Variants in SPIRE1 observed in about 807,000 individuals in gnomAD.
SPIRE1 encodes protein spire homolog 1.
In SPIRE1, 40 loss-of-function variants were observed where a neutral mutation model predicts 94.1. That is an observed-to-expected ratio of 0.43 (90% CI 0.33 to 0.55). The LOEUF (loss-of-function observed/expected upper bound fraction) is 0.55, where lower values mean the gene tolerates loss of function less well. SPIRE1 is among the 20% of genes least tolerant of loss of function. The pLI, the probability that SPIRE1 is intolerant of heterozygous loss-of-function variation, is 0.06. For synonymous variants in SPIRE1, 376 were observed against 371.7 expected (o/e 1.01, Z -0.13); for missense variants, 838 against 975.2 (o/e 0.86, Z 1.87).
intron 10 of SPIRE1, among the ~76,000 whole-genome samples, chr18:12,469,275 T>C (rs1240476617): frequency 1.3e-5 from 2 of 151,994 alleles, no homozygotes; most frequent in Non-Finnish European, 2.9e-5. Context: ...TGATCTCAGA[T>C]CACTGCAATT....
At chr18:12,627,953 G>T (rs993297565) in intron 2 of SPIRE1, among the ~76,000 whole-genome samples, 2 of 152,014 alleles carry the variant, frequency 1.3e-5, no homozygotes, top group Non-Finnish European at 2.9e-5. Flanking sequence ...CTGGATATTA[G>T]CCCTTTGTCA....
intron 5 of SPIRE1, among the ~76,000 whole-genome samples, chr18:12,508,302 A>T: frequency 6.6e-6 from 1 of 152,218 alleles, no homozygotes; most frequent in East Asian, 1.9e-4. Flanking sequence ...TTTTAAAAAA[A>T]TGTTGGGTTT....
intron 12 of SPIRE1, among the ~76,000 whole-genome samples, chr18:12,456,244 G>A (rs759541286): frequency 2.0e-5 from 3 of 152,158 alleles, no homozygotes; most frequent in Admixed American, 6.5e-5. Flanking sequence ...TTAAATCAGC[G>A]TGCCTGATAC....
intron 2 of SPIRE1, among the ~76,000 whole-genome samples, chr18:12,617,504 G>A (rs1022874579): frequency 6.6e-6 from 1 of 151,262 alleles, no homozygotes; most frequent in Non-Finnish European, 1.5e-5. Context: ...CTCTGCCCCC[G>A]GGTTCAAGTG....
At chr18:12,661,942 G>A (rs2038700473), upstream of SPIRE1, 1 of 243,892 alleles carries the variant, frequency 4.1e-6, no homozygotes. Flanking sequence ...TGAAGTCCAT[G>A]TTACTCTGAA....
chr18:12,535,556 A>G lies in SPIRE1; in HGVS notation c.649T>C (p.Tyr217His), dbSNP rs775844543. Residue 217 changes from tyrosine (Y) to histidine (H), a missense_variant, in exon 4 of 17, where the codon TAT (tyrosine) becomes CAT (histidine). By Grantham distance (83) the Tyr-to-His change is moderately conservative. This residue lies in a region of SPIRE1 where 645 missense variants were observed against 804.7 expected (regional missense o/e 0.80). Coordinates refer to ENST00000409402, the MANE Select transcript of SPIRE1 (RefSeq NM_001128626.2). ...AACAGTGCACGACATACTGCCTGAT[A>G]ATGATTTGGTGCATCTGATTCAGTA... The part of the protein sequence containing the change: ...LPTESDAPNH[Y>H]QAVCRALFAE... The G allele has an allele frequency of 6.2e-7, 1 of 1,613,320 alleles. No individual in the cohort carries two copies. The highest frequency in any genetic ancestry group is 1.3e-5 in the African/African-American group (1 of 75,034).
At chr18:12,623,369 G>A (rs971613665) in intron 2 of SPIRE1, among the ~76,000 whole-genome samples, 1 of 151,998 alleles carries the variant, frequency 6.6e-6, no homozygotes, top group Non-Finnish European at 1.5e-5. Context: ...TAGCCAGGAT[G>A]GTCTCAATCT....
At chr18:12,509,015 T>C (rs896139027) in intron 5 of SPIRE1, among the ~76,000 whole-genome samples, 1 of 152,178 alleles carries the variant, frequency 6.6e-6, no homozygotes, top group African/African-American at 2.4e-5. Flanking sequence ...CATGATTGTT[T>C]GGTTAAAAAA....
At chr18:12,545,835 T>C (rs2035146397) in intron 3 of SPIRE1, among the ~76,000 whole-genome samples, 1 of 152,196 alleles carries the variant, frequency 6.6e-6, no homozygotes, top group South Asian at 2.1e-4. Context: ...CAACTGAAGA[T>C]ATAATGCCCA....
chr18:12,531,638 A>G (rs1282390670), intron 4 of SPIRE1, among the ~76,000 whole-genome samples: 4 of 152,200 alleles, frequency 2.6e-5, no homozygotes, highest in African/African-American at 9.7e-5. Flanking sequence ...GATTGTTACA[A>G]GGATCAAATG....
At chr18:12,654,331 C>A (rs1354550456) in intron 1 of SPIRE1, among the ~76,000 whole-genome samples, 1 of 96,166 alleles carries the variant, frequency 1.0e-5, no homozygotes, top group African/African-American at 4.1e-5. Context: ...AGTGAGACTC[C>A]ACCTCAAAAA....
rs201597612 is a variant in SPIRE1 at position 12,495,225 on chromosome 18, C to T, written c.1059+791G>A. Among the ~76,000 whole-genome samples, 11 of 152,046 alleles carry T rather than the reference C, an allele frequency of 7.2e-5. No homozygotes were observed. The East Asian group carries it at 1.2e-3, about 16-fold the overall frequency. Reference sequence around the variant, plus strand: ...CTTTGGTGAGCACTGGCTATTGAGCCGGGTAAAAAAGAAATAAGGAACAGA... The same window carrying T: ...CTTTGGTGAGCACTGGCTATTGAGCTGGGTAAAAAAGAAATAAGGAACAGA... On this transcript the variant is annotated intron_variant, in intron 7 of 16. Transcript: ENST00000409402.
intron 1 of SPIRE1, among the ~76,000 whole-genome samples, chr18:12,642,701 G>A (rs113150872): frequency 5.3e-5 from 8 of 152,236 alleles, no homozygotes; most frequent in African/African-American, 1.9e-4. Flanking sequence ...ACTCATAAGT[G>A]GGAGTTGAAC....
intron 9 of SPIRE1, 92 bp from the exon 10 acceptor site, chr18:12,479,963 A>C: frequency 1.6e-6 from 2 of 1,252,992 alleles, no homozygotes; most frequent in Non-Finnish European, 2.2e-6. Context: ...TCATACAAAA[A>C]CACAGAGGCT....
At chr18:12,568,441 T>G (rs1217821020) in intron 2 of SPIRE1, among the ~76,000 whole-genome samples, 1 of 152,228 alleles carries the variant, frequency 6.6e-6, no homozygotes, top group African/African-American at 2.4e-5. Flanking sequence ...CTCCTGCATT[T>G]TGTATGTCCA....
At chr18:12,656,564 A>T in intron 1 of SPIRE1, 1 of 225,168 alleles carries the variant, frequency 4.4e-6, no homozygotes. Flanking sequence ...ATTCGAAATT[A>T]CATCTTTCAC....
At chr18:12,489,047 G>A (rs1035065691) in intron 8 of SPIRE1, among the ~76,000 whole-genome samples, 1 of 152,164 alleles carries the variant, frequency 6.6e-6, no homozygotes, top group Non-Finnish European at 1.5e-5. Context: ...AATTAGCCGG[G>A]CTTGGTGGCG....
chr18:12,508,381 T>C (rs1216299168), intron 5 of SPIRE1, among the ~76,000 whole-genome samples: 2 of 152,174 alleles, frequency 1.3e-5, no homozygotes, highest in African/African-American at 4.8e-5. Context: ...CAAAAAGGAT[T>C]TGAGGTACTT....
intron 3 of SPIRE1, among the ~76,000 whole-genome samples, chr18:12,540,928 C>T (rs140147593): frequency 2.0e-5 from 3 of 152,294 alleles, no homozygotes; most frequent in Non-Finnish European, 2.9e-5. Flanking sequence ...GTGTGAATCA[C>T]CCCTTTGTGC....
Sources: allele counts gnomAD v4.1 joint callset (sites outside exome capture counted in the v4.1 genomes callset), GRCh38; gene constraint gnomAD v4.1.1; regional missense constraint gnomAD v4.1.1; transcripts MANE v1.5; gene names NCBI Gene and HGNC (gene_info 2026-07-23, HGNC 2026-07-21).